Variants in RAVER2 observed in about 807,000 individuals in gnomAD.
RAVER2 encodes the protein ribonucleoprotein PTB-binding 2.
Under a neutral mutation model 78.1 loss-of-function variants are expected in RAVER2, and 46 were observed. That is an observed-to-expected ratio of 0.59 (90% CI 0.46 to 0.75). The LOEUF is 0.75. Ranked by LOEUF, RAVER2 falls within the 30% of genes least tolerant of loss-of-function variation. RAVER2 has a pLI of 0.00. For synonymous variants in RAVER2, 311 were observed against 313.3 expected (o/e 0.99, Z 0.08); for missense variants, 793 against 837.5 (o/e 0.95, Z 0.66).
intron 2 of RAVER2, among the ~76,000 whole-genome samples, chr1:64,772,125 C>A (rs1323857797): frequency 6.6e-6 from 1 of 152,050 alleles, no homozygotes; most frequent in Non-Finnish European, 1.5e-5. Flanking sequence ...TCCCTTACAG[C>A]CTTTTCTCTG....
At chr1:64,793,806 G>T (rs6686357) in intron 5 of RAVER2, among the ~76,000 whole-genome samples, 1 of 152,130 alleles carries the variant, frequency 6.6e-6, no homozygotes, top group African/African-American at 2.4e-5. Context: ...AAGAGGAATC[G>T]CACAGTCTGT....
chr1:64,812,372 A>AG (rs1653636797), intron 9 of RAVER2, among the ~76,000 whole-genome samples: 2 of 151,424 alleles, frequency 1.3e-5, no homozygotes, highest in South Asian at 4.2e-4. Context: ...CAAAAAAAAA[A>AG]AAAAAAAAAA....
chr1:64,788,221 C>T (rs570586902), intron 4 of RAVER2, among the ~76,000 whole-genome samples: 4 of 152,170 alleles, frequency 2.6e-5, no homozygotes, highest in East Asian at 3.9e-4. Context: ...GCCTGTAATC[C>T]CAGTACTTTG....
chr1:64,821,356 T>TTA (rs1262601709), intron 11 of RAVER2, among the ~76,000 whole-genome samples: 1 of 152,240 alleles, frequency 6.6e-6, no homozygotes, highest in Non-Finnish European at 1.5e-5. Flanking sequence ...GATTGTCTGT[T>TTA]TACTCTGTTG....
At chr1:64,828,271 T>G (rs112405997) in intron 11 of RAVER2, among the ~76,000 whole-genome samples, 168 of 151,414 alleles carry the variant, frequency 1.1e-3, no homozygotes, top group Non-Finnish European at 1.9e-3. Context: ...TGCATTCCTC[T>G]TCCTTCCCCT....
intron 1 of RAVER2, among the ~76,000 whole-genome samples, chr1:64,767,750 C>T (rs1439047219): frequency 6.6e-6 from 1 of 151,890 alleles, no homozygotes; most frequent in Non-Finnish European, 1.5e-5. Context: ...TATATTCACT[C>T]TAATGTATGT....
chr1:64,817,207 C>T (rs926121411), intron 11 of RAVER2, among the ~76,000 whole-genome samples: 2 of 152,126 alleles, frequency 1.3e-5, no homozygotes, highest in Admixed American at 6.5e-5. Flanking sequence ...CAATGAGATA[C>T]CATCTCACAC....
chr1:64,755,588 C>A (rs986089054), intron 1 of RAVER2, among the ~76,000 whole-genome samples: 2 of 152,052 alleles, frequency 1.3e-5, no homozygotes, highest in Non-Finnish European at 2.9e-5. Flanking sequence ...TTCCTCAACC[C>A]ACTGCAGTGA....
chr1:64,810,729 G>A (rs1653580653), intron 9 of RAVER2, among the ~76,000 whole-genome samples: 1 of 152,062 alleles, frequency 6.6e-6, no homozygotes, highest in Non-Finnish European at 1.5e-5. Context: ...ATTTTCTTTG[G>A]AGAAATGTCT....
intron 11 of RAVER2, among the ~76,000 whole-genome samples, chr1:64,827,023 G>A (rs998906251): frequency 6.6e-6 from 1 of 152,116 alleles, no homozygotes; most frequent in African/African-American, 2.4e-5. Flanking sequence ...CTTTATTGGT[G>A]TTCATTATAC....
Position 64,778,459 on chromosome 1 carries a change from C to G in RAVER2, c.786+367C>G, listed in dbSNP as rs115164246. ...GAAAGGCAGAGAATGGAAAGATACTCTATCTCAATACCTCACAATTTTGTA... is the reference window on the plus strand; with the variant it reads ...GAAAGGCAGAGAATGGAAAGATACTGTATCTCAATACCTCACAATTTTGTA... On this transcript the variant is annotated intron_variant, in intron 3 of 11. Coordinates refer to ENST00000294428, the Ensembl canonical transcript of RAVER2. 6.1e-3 allele frequency among the ~76,000 whole-genome samples: 936 copies of G among 152,250 alleles called. 8 individuals carry two copies. Among genetic ancestry groups the G allele is most frequent in the Non-Finnish European group, 0.011 (727 of 68,012 alleles).
exon 12 of RAVER2, chr1:64,833,091 G>GTGT (rs60101975): frequency 0.049 from 8,789 of 179,740 alleles, 686 homozygotes; most frequent in East Asian, 0.28. Flanking sequence ...AAATCAAGTG[G>GTGT]TGTTTGTTTG....
chr1:64,767,242 CAT>C (rs1438006772), intron 1 of RAVER2, among the ~76,000 whole-genome samples: 1 of 151,898 alleles, frequency 6.6e-6, no homozygotes. Flanking sequence ...CTATATTACT[CAT>C]ATGATTACTT....
chr1:64,759,185 TTTTTTATTTTTTATTTTTA>T (rs1651940656), intron 1 of RAVER2, among the ~76,000 whole-genome samples: 1 of 151,366 alleles, frequency 6.6e-6, no homozygotes, highest in Non-Finnish European at 1.5e-5. Flanking sequence ...TATTTTCAGG[TTTTTTATTTTTTATTTTTA>T]TTTTTATTTA....
chr1:64,757,019 C>T (rs758502068), intron 1 of RAVER2, among the ~76,000 whole-genome samples: 2 of 152,184 alleles, frequency 1.3e-5, no homozygotes, highest in Non-Finnish European at 2.9e-5. Flanking sequence ...TAACCTTGAT[C>T]ATTTGCTTAA....
chr1:64,799,406 A>G (rs574960487), intron 5 of RAVER2, among the ~76,000 whole-genome samples: 1 of 152,182 alleles, frequency 6.6e-6, no homozygotes, highest in South Asian at 2.1e-4. Context: ...TCTTCAAGAT[A>G]TGGATTTCCT....
chr1:64,780,711 CTT>C, intron 3 of RAVER2, among the ~76,000 whole-genome samples: 1 of 152,256 alleles, frequency 6.6e-6, no homozygotes, highest in Non-Finnish European at 1.5e-5. Flanking sequence ...TTGTACCAGT[CTT>C]TTCAGATCCA....
intron 2 of RAVER2, among the ~76,000 whole-genome samples, chr1:64,774,590 AG>A (rs995180834): frequency 2.0e-4 from 31 of 152,184 alleles, no homozygotes; most frequent in African/African-American, 7.2e-4. Flanking sequence ...CTTGTAGTGT[AG>A]TTTGAAGTCA....
At chr1:64,796,981 GT>G (rs1371224313) in intron 5 of RAVER2, among the ~76,000 whole-genome samples, 3 of 152,032 alleles carry the variant, frequency 2.0e-5, no homozygotes, top group African/African-American at 7.2e-5. Flanking sequence ...TATTTGGTCA[GT>G]TGGTTATTTG....
Sources: allele counts gnomAD v4.1 joint callset (sites outside exome capture counted in the v4.1 genomes callset), GRCh38; gene constraint gnomAD v4.1.1; transcripts MANE v1.5; gene names NCBI Gene and HGNC (gene_info 2026-07-23, HGNC 2026-07-21).